Variants in SURF2 observed in about 807,000 individuals in gnomAD.
SURF2 encodes surfeit locus protein 2.
SURF2 carries 32 observed loss-of-function variants against 26.2 expected under a neutral mutation model. The observed-to-expected ratio is 1.22, with a 90% CI of 0.92 to 1.64. The LOEUF (loss-of-function observed/expected upper bound fraction) is 1.64, where lower values mean the gene tolerates loss of function less well. Among genes scored for constraint, SURF2 ranks in the 40% most tolerant of loss-of-function variants. SURF2 has a pLI of 0.00. For missense variants in SURF2, 415 were observed against 341.6 expected, an observed-to-expected ratio of 1.21 and a Z score of -1.69; for synonymous variants, 173 against 139.1, an observed-to-expected ratio of 1.24 and a Z score of -1.71.
intron 4 of SURF2, 41 bp downstream of exon 4, chr9:133,360,170 T>G: frequency 6.3e-7 from 1 of 1,590,658 alleles, no homozygotes; most frequent in Admixed American, 1.7e-5. Flanking sequence ...CCCTCTACTG[T>G]CAGCAGGGAG....
At position 133,360,430 on chromosome 9, in the gene SURF2, G is replaced by C. The variant is rs2130051776; in HGVS notation, c.683G>C (p.Gly228Ala). 9.3e-6 allele frequency: 15 copies of C among 1,605,644 alleles called. No homozygotes were observed. The African/African-American group carries it at 2.0e-4, about 21-fold the overall frequency. ...TACCGAGGGCTGGTCCAGAAGCGCG[G>C]GAAGGTGAGCTGTCACCTCCTCTGT... ...TVYRGLVQKR[G>A]KKQLGSLKKK... Residue 228 changes from glycine to alanine, a missense_variant, in exon 5 of 6, where the codon GGG (glycine) becomes GCG (alanine). Transcript: ENST00000371964.
In SURF2 at chr9:133,357,065, ACCCGTAG is replaced by A. The variant is rs1836626221; in HGVS notation, c.231_233+4del. ...CCGCACATCGTGCCCAGCACCAAGAACCCGTAGGTGGTCCGCGGCGGCGCGGGGAGGC... is the reference window on the plus strand; with the variant it reads ...CCGCACATCGTGCCCAGCACCAAGAAGTGGTCCGCGGCGGCGCGGGGAGGC... On this transcript the variant is annotated splice_donor_variant and splice_donor_region_variant and coding_sequence_variant and intron_variant, in exon 2 of 6. Coordinates refer to ENST00000371964, the MANE Select transcript of SURF2 (RefSeq NM_017503.5). LOFTEE classifies it high-confidence loss of function. 1 of 1,568,928 alleles carries A rather than the reference ACCCGTAG, an allele frequency of 6.4e-7. No homozygotes were observed. Among genetic ancestry groups the A allele is most frequent in the Non-Finnish European group, 8.6e-7 (1 of 1,157,382 alleles).
chr9:133,357,796 C>T lies in SURF2; in HGVS notation c.319C>T (p.Gln107Ter). ...VLRHTQGRRY[Q>*]RALCKYEECQ... ...GAGGCACACCCAGGGCCGGCGGTAC[C>T]AGCGAGCTCTGTGTAAATGTAAGTC... Residue 107 changes from glutamine to a stop codon, truncating the protein, a stop_gained, in exon 3 of 6, where the codon CAG (glutamine) becomes TAG (stop). Transcript: ENST00000371964. LOFTEE classifies it high-confidence loss of function. The T allele has an allele frequency of 1.2e-6, 2 of 1,613,582 alleles. No homozygotes were observed. The highest frequency in any genetic ancestry group is 1.3e-5 in the African/African-American group (1 of 75,070).
chr9:133,358,548 G>T (rs1390291491), intron 3 of SURF2, among the ~76,000 whole-genome samples: 1 of 152,188 alleles, frequency 6.6e-6, no homozygotes, highest in African/African-American at 2.4e-5. Flanking sequence ...CGTGGATCTG[G>T]GTGAGCACCC....
At chr9:133,356,880 C>G in intron 1 of SURF2, 34 bp from the exon 2 acceptor site, 7 of 1,520,576 alleles carry the variant, frequency 4.6e-6, no homozygotes, top group Non-Finnish European at 6.2e-6. Flanking sequence ...GAGCCCTGGC[C>G]CTCCTGACGT....
Position 133,357,026 on chromosome 9 carries a change from AT to A in SURF2, c.192del (p.Tyr64Ter). 6.3e-7 allele frequency: 1 copy of A among 1,576,744 alleles called. No individual in the cohort carries two copies. The highest frequency in any genetic ancestry group is 1.3e-5 in the African/African-American group (1 of 74,472). ...GTCCGCGCCTCCCCGGCCTTCGACT[AT>A]GCAGAGTTCGAGCCGCACATCGTGC... ...RLVRASPAFD[Y>X]AEFEPHIVPS... On this transcript the variant is annotated frameshift_variant, in exon 2 of 6. Transcript: ENST00000371964. LOFTEE classifies it high-confidence loss of function.
At chr9:133,357,835 A>T (rs1183156556) in intron 3 of SURF2, 21 bp downstream of exon 3, 2 of 1,610,082 alleles carry the variant, frequency 1.2e-6, no homozygotes, top group Non-Finnish European at 1.7e-6. Context: ...GTGGACCCCC[A>T]TCAGTGCATC....
rs1002014545 is a variant in SURF2, at chr9:133,356,610, C to G, written c.18C>G (p.Gly6=). The G allele has an allele frequency of 4.6e-6, 7 of 1,524,782 alleles. No homozygotes were observed. The highest frequency in any genetic ancestry group is 6.1e-6 in the Non-Finnish European group (7 of 1,143,182). The allele number at this position is 1,524,782 out of a possible 1,614,324, so 94.5% of individuals were successfully genotyped here. A position where few individuals can be genotyped will look rare whatever the true frequency, so the allele number is the denominator to read the frequency against. MSELP[G]DVRAFLREHP... ...CGTCGGCCATGAGCGAGTTGCCGGGCGACGTGCGGGCGTTTCTGCGGGAGC... is the reference window on the plus strand; with the variant it reads ...CGTCGGCCATGAGCGAGTTGCCGGGGGACGTGCGGGCGTTTCTGCGGGAGC... The change falls in exon 1 of 6, where the codon GGC becomes GGG. Residue 6 remains glycine, a synonymous_variant. Transcript: ENST00000371964.
rs902458666 is a variant in SURF2, at chr9:133,357,847, C to T, written c.337+33C>T. 1.9e-6 allele frequency: 3 copies of T among 1,598,324 alleles called. No homozygotes were observed. In the African/African-American group the frequency reaches 4.0e-5, roughly 21 times the overall value. ...CCAGTGGACCCCCATCAGTGCATCGCCATCTGAGTGCATGCCCGCCTTGCC... is the reference window on the plus strand; with the variant it reads ...CCAGTGGACCCCCATCAGTGCATCGTCATCTGAGTGCATGCCCGCCTTGCC... On this transcript the variant is annotated intron_variant, in intron 3 of 5. Transcript: ENST00000371964.
chr9:133,359,030 G>A (rs1836681564), intron 3 of SURF2, among the ~76,000 whole-genome samples: 1 of 152,200 alleles, frequency 6.6e-6, no homozygotes, highest in Admixed American at 6.5e-5. Flanking sequence ...CCTGAGGCTT[G>A]GACTTTTTCC....
Position 133,360,417 on chromosome 9 carries a change from G to A in SURF2, c.670G>A (p.Val224Ile). ...AGAGACGACCGTGTACCGAGGGCTG[G>A]TCCAGAAGCGCGGGAAGGTGAGCTG... Reference protein sequence around the residue: ...RRETTVYRGLVQKRGKKQLGS... With the variant: ...RRETTVYRGLIQKRGKKQLGS... Residue 224 changes from valine to isoleucine, a missense_variant, in exon 5 of 6, where the codon GTC (valine) becomes ATC (isoleucine). Coordinates refer to ENST00000371964, the MANE Select transcript of SURF2 (RefSeq NM_017503.5). 6.2e-7 allele frequency: 1 copy of A among 1,609,816 alleles called. No homozygotes were observed. Among genetic ancestry groups the A allele is most frequent in the Non-Finnish European group, 8.5e-7 (1 of 1,179,408 alleles).
Position 133,361,038 on chromosome 9 carries a change from ATT to A in SURF2, c.688-15_688-14del, listed in dbSNP as rs1262672996. 1 of 1,613,948 alleles carries A rather than the reference ATT, an allele frequency of 6.2e-7. No homozygotes were observed. The highest frequency in any genetic ancestry group is 8.5e-7 in the Non-Finnish European group (1 of 1,179,854). On this transcript the variant is annotated splice_polypyrimidine_tract_variant and intron_variant, in intron 5 of 5. Coordinates refer to ENST00000371964, the MANE Select transcript of SURF2 (RefSeq NM_017503.5). The stretch of plus-strand genomic sequence containing the variant: ...GGATCAGAAAGGCTCAGTAATCAGA[ATT>A]TTGTTTATCCCACAGAAGCAGTTGG...
chr9:133,360,590 G>C (rs897235125), intron 5 of SURF2, among the ~76,000 whole-genome samples, 156 bp downstream of exon 5: 1 of 152,256 alleles, frequency 6.6e-6, no homozygotes, highest in African/African-American at 2.4e-5. Context: ...GCTGGCGGAA[G>C]GCCGTGAGTG....
chr9:133,360,920 C>T lies in SURF2; in HGVS notation c.688-136C>T, dbSNP rs1032168438. The T allele has an allele frequency of 3.0e-4, 257 of 866,648 alleles. 1 individual carries two copies. The highest frequency in any genetic ancestry group is 1.8e-4 in the Admixed American group (9 of 49,020). The allele number at this position is 866,648 out of a possible 1,614,324, so 53.7% of individuals were successfully genotyped here. On this transcript the variant is annotated intron_variant, in intron 5 of 5. Transcript: ENST00000371964. ...TCTAATCCTGCAGCTGTTAAGGAAA[C>T]GGGGGTGGAGAAAGCCTCTGTGGGT...
chr9:133,360,561 A>G (rs1315470160), intron 5 of SURF2, 127 bp downstream of exon 5: 4 of 1,234,336 alleles, frequency 3.2e-6, no homozygotes, highest in Admixed American at 2.9e-5. Context: ...CACAAGAACC[A>G]TAGAAGCCGA....
In SURF2 at chr9:133,357,205, C is replaced by T. The variant is rs1015845922; in HGVS notation, c.233+137C>T. On this transcript the variant is annotated intron_variant, in intron 2 of 5. Coordinates refer to ENST00000371964, the MANE Select transcript of SURF2 (RefSeq NM_017503.5). Reference sequence around the variant, plus strand: ...CAGGTGGGCGCCCGGGTGCTGGAATCACCTGCGGTCCCAGCGGCGAGGCCT... The same window carrying T: ...CAGGTGGGCGCCCGGGTGCTGGAATTACCTGCGGTCCCAGCGGCGAGGCCT... 5.4e-5 allele frequency: 60 copies of T among 1,121,366 alleles called. 1 individual carries two copies. The African/African-American group carries it at 8.7e-4, about 16-fold the overall frequency. The allele number at this position is 1,121,366 out of a possible 1,614,324, so 69.5% of individuals were successfully genotyped here.
At position 133,360,252 on chromosome 9, in the gene SURF2, G is replaced by C. The variant is rs2130049388; in HGVS notation, c.518-13G>C. ...CTAAAATAACTGTCAGCCAATCCCT[G>C]TGTTCCTCCCAGCTGAGCTATTCAC... is the stretch of plus-strand genomic sequence containing the variant. On this transcript the variant is annotated splice_polypyrimidine_tract_variant and intron_variant, in intron 4 of 5. Coordinates refer to ENST00000371964, the MANE Select transcript of SURF2 (RefSeq NM_017503.5). 5.0e-6 allele frequency: 8 copies of C among 1,612,502 alleles called. No homozygotes were observed. The highest frequency in any genetic ancestry group is 2.7e-5 in the African/African-American group (2 of 74,842).
rs2130037164 is a variant in SURF2, at chr9:133,357,825, G to C, written c.337+11G>C. ...GAGCTCTGTGTAAATGTAAGTCCCA[G>C]TGGACCCCCATCAGTGCATCGCCAT... On this transcript the variant is annotated intron_variant, in intron 3 of 5. Coordinates refer to ENST00000371964, the MANE Select transcript of SURF2 (RefSeq NM_017503.5). The C allele has an allele frequency of 6.2e-7, 1 of 1,612,680 alleles. No homozygotes were observed. The highest frequency in any genetic ancestry group is 2.2e-5 in the East Asian group (1 of 44,880).
At chr9:133,360,969 G>A (rs2130055855) in intron 5 of SURF2, 87 bp from the exon 6 acceptor site, 69 of 1,385,868 alleles carry the variant, frequency 5.0e-5, no homozygotes, top group Non-Finnish European at 6.7e-5. Context: ...CTCTGAGGCT[G>A]TGTGGGTGGG....
Sources: gnomAD v4.1 joint callset for allele counts (sites outside exome capture counted in the v4.1 genomes callset) on GRCh38, gnomAD v4.1.1 for gene constraint, MANE v1.5 for transcripts, NCBI Gene and HGNC (gene_info 2026-07-23, HGNC 2026-07-21) for gene names.